The following SDHAF3 variants were observed in gnomAD, a reference collection of about 807,000 sequenced individuals.
SDHAF3 encodes the protein succinate dehydrogenase complex assembly factor 3, also known as succinate dehydrogenase assembly factor 3, mitochondrial.
In SDHAF3, 18 loss-of-function variants were observed where a neutral mutation model predicts 11.5. The observed-to-expected ratio is 1.56, with a 90% CI of 1.08 to 2.32. The LOEUF is 2.32. SDHAF3 is among the 30% of genes most tolerant of loss of function. The pLI is 0.00. For missense variants in SDHAF3, 200 were observed against 154.4 expected (o/e 1.30, Z -1.57); for synonymous variants, 72 against 59.3 (o/e 1.21, Z -0.99).
chr7:97,139,311 C>T (rs139572991), intron 1 of SDHAF3, among the ~76,000 whole-genome samples: 4 of 152,112 alleles, frequency 2.6e-5, no homozygotes, highest in Admixed American at 6.5e-5. Context: ...GGGTAGTCCC[C>T]CACACCCGGA....
intron 1 of SDHAF3, among the ~76,000 whole-genome samples, chr7:97,131,752 T>G (rs1303486152): frequency 1.3e-5 from 2 of 152,130 alleles, no homozygotes; most frequent in Admixed American, 1.3e-4. Context: ...GGAAAAAACT[T>G]AAAGCTTTAC....
intron 1 of SDHAF3, among the ~76,000 whole-genome samples, chr7:97,167,287 T>G (rs1244342044): frequency 1.3e-5 from 2 of 152,200 alleles, no homozygotes; most frequent in East Asian, 3.9e-4. Context: ...CCCTTGGCTC[T>G]CTCTCCTGCT....
At chr7:97,165,976 A>G (rs991293356) in intron 1 of SDHAF3, among the ~76,000 whole-genome samples, 1 of 152,188 alleles carries the variant, frequency 6.6e-6, no homozygotes, top group Non-Finnish European at 1.5e-5. Context: ...ACTTTGTACA[A>G]ATTGCCAAGA....
At chr7:97,139,087 A>C (rs1157284362) in intron 1 of SDHAF3, among the ~76,000 whole-genome samples, 1 of 152,248 alleles carries the variant, frequency 6.6e-6, no homozygotes, top group Non-Finnish European at 1.5e-5. Context: ...ATCTCACTGC[A>C]TGGGGGCGCT....
chr7:97,158,245 A>G (rs1223421871), intron 1 of SDHAF3, among the ~76,000 whole-genome samples: 1 of 152,148 alleles, frequency 6.6e-6, no homozygotes, highest in East Asian at 1.9e-4. Flanking sequence ...AATATAGAAT[A>G]TGAAAGCTTT....
intron 1 of SDHAF3, among the ~76,000 whole-genome samples, chr7:97,123,295 T>A (rs1791528152): frequency 6.6e-6 from 1 of 152,212 alleles, no homozygotes; most frequent in South Asian, 2.1e-4. Flanking sequence ...GGTTTCCAGC[T>A]TCATCCATGT....
At chr7:97,151,870 G>T (rs992563304) in intron 1 of SDHAF3, among the ~76,000 whole-genome samples, 2 of 152,100 alleles carry the variant, frequency 1.3e-5, no homozygotes, top group African/African-American at 4.8e-5. Context: ...GGTCCTCAGA[G>T]AAAACTTCAG....
chr7:97,126,101 C>A (rs1489392451), intron 1 of SDHAF3, among the ~76,000 whole-genome samples: 1 of 152,140 alleles, frequency 6.6e-6, no homozygotes, highest in East Asian at 1.9e-4. Flanking sequence ...TACTCCAGAC[C>A]CTATTTGCCT....
chr7:97,156,184 T>C, intron 1 of SDHAF3, among the ~76,000 whole-genome samples: 1 of 152,220 alleles, frequency 6.6e-6, no homozygotes, highest in East Asian at 1.9e-4. Context: ...CTCTAGGCTG[T>C]GAGAGTTTCT....
At chr7:97,171,187 G>C (rs903883719) in intron 1 of SDHAF3, among the ~76,000 whole-genome samples, 32 of 127,780 alleles carry the variant, frequency 2.5e-4, no homozygotes, top group Admixed American at 8.4e-5. Context: ...TCTAGGGAAA[G>C]CTTGACCAAA....
chr7:97,156,895 A>G (rs896228564), intron 1 of SDHAF3, among the ~76,000 whole-genome samples: 3 of 152,150 alleles, frequency 2.0e-5, no homozygotes, highest in South Asian at 2.1e-4. Context: ...ACAGGTATAC[A>G]TGTGCCATGT....
At chr7:97,134,765 T>G (rs1791723171) in intron 1 of SDHAF3, among the ~76,000 whole-genome samples, 1 of 152,226 alleles carries the variant, frequency 6.6e-6, no homozygotes, top group African/African-American at 2.4e-5. Context: ...GTTCTTACTT[T>G]AAAATGTTTG....
intron 1 of SDHAF3, among the ~76,000 whole-genome samples, chr7:97,172,618 G>A (rs962368757): frequency 6.6e-6 from 1 of 152,136 alleles, no homozygotes; most frequent in African/African-American, 2.4e-5. Context: ...GTTCTAGCCT[G>A]TGGGGAATTT....
At chr7:97,173,616 G>C (rs1374714474) in intron 1 of SDHAF3, among the ~76,000 whole-genome samples, 2 of 143,710 alleles carry the variant, frequency 1.4e-5, no homozygotes, top group Non-Finnish European at 3.0e-5. Context: ...GCAGTGGCGC[G>C]ATCTCGGCTT....
intron 1 of SDHAF3, among the ~76,000 whole-genome samples, chr7:97,152,530 T>C (rs1584223715): frequency 6.6e-6 from 1 of 152,322 alleles, no homozygotes; most frequent in South Asian, 2.1e-4. Context: ...CTGAAAAATA[T>C]GTCAAACATC....
At position 97,117,782 on chromosome 7, in the gene SDHAF3, A is replaced by G. The variant is rs758025027; in HGVS notation, c.59A>G (p.His20Arg). 6.2e-7 allele frequency: 1 copy of G among 1,614,162 alleles called. No individual in the cohort carries two copies. The highest frequency in any genetic ancestry group is 1.7e-5 in the Admixed American group (1 of 60,026). ...TTGTACAAGCGCGTCTTGCAGCTGCACCGTGTTCTGCCCCCGGACCTCAAA... is the reference window on the plus strand; with the variant it reads ...TTGTACAAGCGCGTCTTGCAGCTGCGCCGTGTTCTGCCCCCGGACCTCAAA... Reference protein sequence around the residue: ...RALYKRVLQLHRVLPPDLKSL... With the variant: ...RALYKRVLQLRRVLPPDLKSL... The change falls in exon 1 of 2, where the codon CAC (histidine) becomes CGC (arginine). Residue 20 changes from histidine (H) to arginine (R), a missense_variant. By Grantham distance (29) the His-to-Arg change is conservative. Transcript: ENST00000432641.
intron 1 of SDHAF3, among the ~76,000 whole-genome samples, chr7:97,140,663 C>G (rs968687159): frequency 2.4e-4 from 37 of 152,308 alleles, no homozygotes; most frequent in African/African-American, 7.9e-4. Context: ...TTCATGGACA[C>G]TTATCACTTC....
At chr7:97,124,714 C>A (rs969064520) in intron 1 of SDHAF3, among the ~76,000 whole-genome samples, 2 of 152,078 alleles carry the variant, frequency 1.3e-5, no homozygotes, top group Non-Finnish European at 2.9e-5. Flanking sequence ...TCCTTTGTGT[C>A]TCTTGTAAGT....
chr7:97,134,043 A>C (rs904328801), intron 1 of SDHAF3, among the ~76,000 whole-genome samples: 1 of 152,188 alleles, frequency 6.6e-6, no homozygotes, highest in Non-Finnish European at 1.5e-5. Flanking sequence ...TTTGTTTAAG[A>C]ACTATCCCAC....
Sources: allele counts gnomAD v4.1 joint callset (sites outside exome capture counted in the v4.1 genomes callset), GRCh38; gene constraint gnomAD v4.1.1; transcripts MANE v1.5; gene names NCBI Gene and HGNC (gene_info 2026-07-23, HGNC 2026-07-21).